Variants in DNAJC12 observed in about 807,000 individuals in gnomAD.
DNAJC12 encodes the protein DnaJ heat shock protein family (Hsp40) member C12.
In DNAJC12, 25 loss-of-function variants were observed where a neutral mutation model predicts 28.5. That is an observed-to-expected ratio of 0.88 (90% CI 0.64 to 1.22). The LOEUF (loss-of-function observed/expected upper bound fraction) is 1.22, where lower values mean the gene tolerates loss of function less well. Ranked by LOEUF, DNAJC12 falls within the 50% of genes most tolerant of loss-of-function variation. DNAJC12 has a pLI of 0.00. For synonymous variants in DNAJC12, 77 were observed against 80.6 expected, an observed-to-expected ratio of 0.95 and a Z score of 0.24; for missense variants, 222 against 231.7, an observed-to-expected ratio of 0.96 and a Z score of 0.27.
chr10:67,801,803 A>AAT (rs889530225), intron 4 of DNAJC12, among the ~76,000 whole-genome samples: 2 of 149,050 alleles, frequency 1.3e-5, no homozygotes, highest in African/African-American at 2.5e-5. Flanking sequence ...AAAAAAAAAA[A>AAT]AGAACAATGA....
chr10:67,806,501 T>C (rs1027300763), intron 3 of DNAJC12, among the ~76,000 whole-genome samples: 1 of 152,066 alleles, frequency 6.6e-6, no homozygotes, highest in Non-Finnish European at 1.5e-5. Context: ...TTGCCACCAA[T>C]AAATGTAACC....
At chr10:67,833,738 G>A in intron 1 of DNAJC12, 1 of 434,268 alleles carries the variant, frequency 2.3e-6, no homozygotes, top group South Asian at 1.7e-5. Flanking sequence ...GCTCTCGGTA[G>A]AGGCAAGGGA....
At position 67,797,183 on chromosome 10, in the gene DNAJC12, A is replaced by G. The variant is rs1197457294; in HGVS notation, c.530T>C (p.Leu177Pro). 1 of 1,613,816 alleles carries G rather than the reference A, an allele frequency of 6.2e-7. No individual in the cohort carries two copies. The highest frequency in any genetic ancestry group is 2.2e-5 in the East Asian group (1 of 44,874). Reference sequence around the variant, plus strand: ...AGCATCCTTGGACCAGCGGAAACGAAGGTGCCAACCATTCACATCTGCAAA... The same window carrying G: ...AGCATCCTTGGACCAGCGGAAACGAGGGTGCCAACCATTCACATCTGCAAA... ...SGFADVNGWH[L>P]RFRWSKDAPS... Residue 177 changes from leucine to proline, a missense_variant, in exon 5 of 5, where the codon CTT becomes CCT. Coordinates refer to ENST00000225171, the MANE Select transcript of DNAJC12 (RefSeq NM_021800.3).
intron 1 of DNAJC12, among the ~76,000 whole-genome samples, chr10:67,837,466 G>C (rs901991742): frequency 6.6e-6 from 1 of 151,818 alleles, no homozygotes. Context: ...TAACATAAAG[G>C]GATGCTTCTT....
chr10:67,801,958 C>T (rs1841751037), intron 4 of DNAJC12, among the ~76,000 whole-genome samples: 1 of 145,232 alleles, frequency 6.9e-6, no homozygotes, highest in Admixed American at 7.1e-5. Context: ...AACTCCCAGG[C>T]TCAAGTAATC....
intron 2 of DNAJC12, among the ~76,000 whole-genome samples, chr10:67,820,210 A>G (rs1282986639): frequency 1.3e-5 from 2 of 152,232 alleles, no homozygotes; most frequent in African/African-American, 2.4e-5. Flanking sequence ...TGGCTGAAAC[A>G]TGAAATTCTA....
At chr10:67,835,500 G>A (rs944533802) in intron 1 of DNAJC12, among the ~76,000 whole-genome samples, 6 of 152,024 alleles carry the variant, frequency 3.9e-5, no homozygotes, top group Non-Finnish European at 8.8e-5. Context: ...GACCATCCTG[G>A]CCAACACGGT....
chr10:67,833,765 G>A, intron 1 of DNAJC12: 1 of 478,132 alleles, frequency 2.1e-6, no homozygotes, highest in African/African-American at 2.0e-5. Flanking sequence ...CTATAGCCAT[G>A]GCCAGTACAA....
intron 2 of DNAJC12, among the ~76,000 whole-genome samples, chr10:67,815,544 A>T (rs1841907470): frequency 6.6e-6 from 1 of 151,296 alleles, no homozygotes; most frequent in South Asian, 2.1e-4. Flanking sequence ...AAAAAAAAAG[A>T]TGGGGCTATT....
At chr10:67,821,129 T>C (rs527932171) in intron 2 of DNAJC12, among the ~76,000 whole-genome samples, 1 of 152,262 alleles carries the variant, frequency 6.6e-6, no homozygotes, top group South Asian at 2.1e-4. Context: ...TTGTGCAATA[T>C]GGAATTATAG....
chr10:67,815,114 TGATA>T (rs1291001411), intron 2 of DNAJC12, among the ~76,000 whole-genome samples: 3 of 152,214 alleles, frequency 2.0e-5, no homozygotes, highest in South Asian at 2.1e-4. Flanking sequence ...AACTGTGAAT[TGATA>T]AACAAAATGT....
At chr10:67,808,788 C>T (rs115715864) in intron 3 of DNAJC12, among the ~76,000 whole-genome samples, 3,435 of 152,224 alleles carry the variant, frequency 0.023, 133 homozygotes, top group African/African-American at 0.078. Context: ...GTGGATTTTT[C>T]ACTTATCAGG....
At chr10:67,811,752 G>A in intron 2 of DNAJC12, 89 bp from the exon 3 acceptor site, 1 of 1,519,896 alleles carries the variant, frequency 6.6e-7, no homozygotes. Context: ...CTAAAACCAT[G>A]ACTGCCACTT....
chr10:67,796,912 C>T lies in DNAJC12; in HGVS notation c.*204G>A, dbSNP rs1273074490. 2.2e-6 allele frequency: 1 copy of T among 460,574 alleles called. No homozygotes were observed. The highest frequency in any genetic ancestry group is 2.0e-5 in the African/African-American group (1 of 50,448). 28.5% of individuals were successfully genotyped at this position (460,574 alleles called of 1,614,324 possible). ...CTGTATCTAAGAGCTTTAATTTATT[C>T]AAATATTGGAAGAAATTCATCTTCT... is the stretch of plus-strand genomic sequence containing the variant. On this transcript the variant is annotated 3_prime_UTR_variant, in exon 5 of 5. Coordinates refer to ENST00000225171, the MANE Select transcript of DNAJC12 (RefSeq NM_021800.3).
chr10:67,824,402 C>T (rs1334113308), intron 1 of DNAJC12, among the ~76,000 whole-genome samples: 2 of 151,898 alleles, frequency 1.3e-5, no homozygotes, highest in Non-Finnish European at 2.9e-5. Flanking sequence ...TATAAAGCTC[C>T]TTCTTCCTGT....
chr10:67,805,029 C>T (rs1222905325), intron 4 of DNAJC12, among the ~76,000 whole-genome samples: 1 of 151,886 alleles, frequency 6.6e-6, no homozygotes, highest in African/African-American at 2.4e-5. Flanking sequence ...GAGACTCCAT[C>T]TCAAAAAAGA....
chr10:67,829,393 C>T (rs193099707), intron 1 of DNAJC12, among the ~76,000 whole-genome samples: 1 of 152,318 alleles, frequency 6.6e-6, no homozygotes, highest in Admixed American at 6.5e-5. Context: ...GTAATCCCAG[C>T]ACTTGGGGAG....
intron 1 of DNAJC12, among the ~76,000 whole-genome samples, chr10:67,829,840 G>T (rs922173276): frequency 2.0e-5 from 3 of 151,828 alleles, no homozygotes; most frequent in African/African-American, 4.8e-5. Context: ...TGTCATAAAA[G>T]ATTTTTAACA....
chr10:67,823,532 C>A, intron 1 of DNAJC12, 140 bp from the exon 2 acceptor site: 1 of 641,184 alleles, frequency 1.6e-6, no homozygotes, highest in Non-Finnish European at 2.7e-6. Flanking sequence ...AAGACCCAGT[C>A]TCTACAAAAT....
Sources: allele counts gnomAD v4.1 joint callset (sites outside exome capture counted in the v4.1 genomes callset), GRCh38; gene constraint gnomAD v4.1.1; transcripts MANE v1.5; gene names NCBI Gene and HGNC (gene_info 2026-07-23, HGNC 2026-07-21).